The following LRFN2 variants were observed in gnomAD, a reference collection of about 807,000 sequenced individuals.
LRFN2 encodes the protein leucine rich repeat and fibronectin type III domain containing 2.
Under a neutral mutation model 37.3 loss-of-function variants are expected in LRFN2, and 18 were observed. The ratio of observed to expected loss-of-function variants is 0.48; its 90% CI spans 0.33 to 0.72. The LOEUF is 0.72. Ranked by LOEUF, LRFN2 falls within the 30% of genes least tolerant of loss-of-function variation. The probability of loss-of-function intolerance (pLI) is 0.02; values close to 1 mark genes in which losing one functional copy is unlikely to be tolerated. For synonymous variants in LRFN2, 556 were observed against 466.6 expected (o/e 1.19, Z -2.47); for missense variants, 1,006 against 1,060.7 (o/e 0.95, Z 0.72).
intron 1 of LRFN2, among the ~76,000 whole-genome samples, chr6:40,442,727 C>A (rs1763868199): frequency 6.6e-6 from 1 of 152,202 alleles, no homozygotes; most frequent in Admixed American, 6.5e-5. Context: ...TTTCTGCCTC[C>A]TGGGTCTGAG....
chr6:40,432,513 G>A lies in LRFN2; in HGVS notation c.601C>T (p.Arg201Cys), dbSNP rs139033638. ...GTFADLQKLA[R>C]LDLTSNRLQK... is the part of the protein sequence containing the mutation. ...AGCCGATTGGAGGTGAGATCCAGGCGGGCCAGTTTCTGCAGGTCTGCAAAG... is the reference window on the plus strand; with the variant it reads ...AGCCGATTGGAGGTGAGATCCAGGCAGGCCAGTTTCTGCAGGTCTGCAAAG... Residue 201 changes from arginine to cysteine, a missense_variant, in exon 2 of 3, where the codon CGC (arginine) becomes TGC (cysteine). Transcript: ENST00000338305. 3.7e-6 allele frequency: 6 copies of A among 1,614,122 alleles called. No individual in the cohort carries two copies. Among genetic ancestry groups the A allele is most frequent in the African/African-American group, 2.7e-5 (2 of 74,950 alleles).
intron 1 of LRFN2, among the ~76,000 whole-genome samples, chr6:40,498,813 G>T (rs1765300249): frequency 6.6e-6 from 1 of 152,164 alleles, no homozygotes; most frequent in Non-Finnish European, 1.5e-5. Flanking sequence ...TCTGACTCTT[G>T]CACACAGACT....
chr6:40,509,239 T>C (rs542146686), intron 1 of LRFN2, among the ~76,000 whole-genome samples: 1 of 152,358 alleles, frequency 6.6e-6, no homozygotes, highest in South Asian at 2.1e-4. Flanking sequence ...ATAATCTTGT[T>C]CTCTTAACAC....
At chr6:40,566,378 T>C (rs996453361) in intron 1 of LRFN2, among the ~76,000 whole-genome samples, 21 of 152,318 alleles carry the variant, frequency 1.4e-4, no homozygotes, top group African/African-American at 4.8e-4. Flanking sequence ...GCCATCCCAT[T>C]ACTGGGTATA....
Position 40,392,654 on chromosome 6 carries a change from G to A in LRFN2, c.1659C>T (p.Leu553=), listed in dbSNP as rs1343428652. 2 of 1,613,222 alleles carry A rather than the reference G, an allele frequency of 1.2e-6. No individual in the cohort carries two copies. Among genetic ancestry groups the A allele is most frequent in the South Asian group, 1.1e-5 (1 of 91,086 alleles). The part of the protein sequence containing the change: ...VATLLVFIVI[L]MVRYKVCNHE... Reference sequence around the variant, plus strand: ...GGTTGCAGACCTTGTAGCGCACCATGAGGATGACGATGAAGACCAGCAGCG... The same window carrying A: ...GGTTGCAGACCTTGTAGCGCACCATAAGGATGACGATGAAGACCAGCAGCG... Residue 553 remains leucine (L), a synonymous_variant, in exon 3 of 3, where the codon CTC becomes CTT. Coordinates refer to ENST00000338305, the MANE Select transcript of LRFN2 (RefSeq NM_020737.3). The surrounding 1 kb of genome is among the most constrained non-coding windows in gnomAD (Gnocchi z 4.7).
intron 1 of LRFN2, among the ~76,000 whole-genome samples, chr6:40,454,605 T>C (rs1349219814): frequency 3.9e-5 from 6 of 152,156 alleles, no homozygotes; most frequent in Non-Finnish European, 8.8e-5. Context: ...TTTTCTCCCC[T>C]ACCTAGGCCC....
intron 1 of LRFN2, among the ~76,000 whole-genome samples, chr6:40,535,307 TATC>T (rs930670444): frequency 6.6e-6 from 1 of 152,192 alleles, no homozygotes; most frequent in Non-Finnish European, 1.5e-5. Context: ...TTACCATCAT[TATC>T]ATGACTATTA....
chr6:40,445,015 C>T (rs1051054739), intron 1 of LRFN2, among the ~76,000 whole-genome samples: 3 of 152,102 alleles, frequency 2.0e-5, no homozygotes, highest in Non-Finnish European at 4.4e-5. Context: ...CCTCACCCCC[C>T]CAGGGACCTG....
intron 1 of LRFN2, among the ~76,000 whole-genome samples, chr6:40,513,460 C>T (rs1178696958): frequency 6.6e-6 from 1 of 152,122 alleles, no homozygotes; most frequent in Non-Finnish European, 1.5e-5. Context: ...TCTCGAACAC[C>T]TCACGTCAAG....
Position 40,448,982 on chromosome 6 carries a change from C to T in LRFN2, c.-18-15851G>A, listed in dbSNP as rs1764037174. Among the ~76,000 whole-genome samples, 4 of 152,154 alleles carry T rather than the reference C, an allele frequency of 2.6e-5. No homozygotes were observed. The South Asian group carries it at 8.3e-4, about 32-fold the overall frequency. ...GGGCTCAGAAGTATAACCAAAGCAA[C>T]CAACTCTTCCTTGACACGCAGCATT... On this transcript the variant is annotated intron_variant, in intron 1 of 2. Coordinates refer to ENST00000338305, the MANE Select transcript of LRFN2 (RefSeq NM_020737.3).
chr6:40,523,739 A>T (rs1581776787), intron 1 of LRFN2: 1 of 152,000 alleles, frequency 6.6e-6, no homozygotes, highest in Non-Finnish European at 1.5e-5. Context: ...AGTTTAAGAC[A>T]CCCAAGGCCA....
chr6:40,582,473 G>T (rs1404153163), intron 1 of LRFN2, among the ~76,000 whole-genome samples: 2 of 151,992 alleles, frequency 1.3e-5, no homozygotes, highest in Non-Finnish European at 2.9e-5. Context: ...ACACAGTTTT[G>T]TTCTTTAATC....
At chr6:40,576,808 A>T (rs1412812084) in intron 1 of LRFN2, among the ~76,000 whole-genome samples, 1 of 152,060 alleles carries the variant, frequency 6.6e-6, no homozygotes, top group Non-Finnish European at 1.5e-5. Context: ...CCTGGGCTTC[A>T]GTCGGGTCCC....
intron 1 of LRFN2, among the ~76,000 whole-genome samples, chr6:40,558,029 G>A (rs1466114431): frequency 2.6e-5 from 4 of 152,222 alleles, no homozygotes; most frequent in Admixed American, 1.3e-4. Flanking sequence ...ATATATTCCA[G>A]CAGTGGGGGT....
intron 2 of LRFN2, among the ~76,000 whole-genome samples, chr6:40,427,649 G>T (rs922034666): frequency 4.0e-4 from 61 of 152,186 alleles, no homozygotes; most frequent in African/African-American, 1.4e-3. Context: ...CTTTTCCAAG[G>T]GCTCACAGCT....
At chr6:40,484,997 C>CA (rs1764921215) in intron 1 of LRFN2, among the ~76,000 whole-genome samples, 1 of 152,100 alleles carries the variant, frequency 6.6e-6, no homozygotes, top group Admixed American at 6.5e-5. Flanking sequence ...TAAGAGACCC[C>CA]AAAAAAGGAT....
intron 2 of LRFN2, among the ~76,000 whole-genome samples, chr6:40,397,131 C>T (rs536866076): frequency 9.8e-5 from 15 of 152,328 alleles, no homozygotes; most frequent in African/African-American, 3.1e-4. Context: ...AATGGGCACT[C>T]TAGTGAAAGA....
chr6:40,542,783 T>G (rs947609411), intron 1 of LRFN2, among the ~76,000 whole-genome samples: 7 of 152,218 alleles, frequency 4.6e-5, no homozygotes, highest in Admixed American at 3.3e-4. Flanking sequence ...GGTATCTACC[T>G]TGAGCCCATC....
At chr6:40,479,357 C>T (rs1764775748) in intron 1 of LRFN2, among the ~76,000 whole-genome samples, 1 of 152,214 alleles carries the variant, frequency 6.6e-6, no homozygotes, top group Non-Finnish European at 1.5e-5. Flanking sequence ...CTGACAGTGG[C>T]TGCAGTGCCA....
Sources: gnomAD v4.1 joint callset for allele counts (sites outside exome capture counted in the v4.1 genomes callset) on GRCh38, gnomAD v4.1.1 for gene constraint, Gnocchi (gnomAD v3.1) non-coding constraint, MANE v1.5 for transcripts, NCBI Gene and HGNC (gene_info 2026-07-23, HGNC 2026-07-21) for gene names.